SHROOM3: variants seen among roughly 807,000 people sequenced by gnomAD.
SHROOM3 encodes the protein shroom family member 3, also known as protein Shroom3.
SHROOM3 carries 47 observed loss-of-function variants against 138.6 expected under a neutral mutation model. The observed-to-expected ratio is 0.34, with a 90% CI of 0.27 to 0.43. The LOEUF (loss-of-function observed/expected upper bound fraction) is 0.43. Among genes scored for constraint, SHROOM3 ranks in the 20% least tolerant of loss-of-function variants. The probability of loss-of-function intolerance (pLI) is 1.00; values close to 1 mark genes in which losing one functional copy is unlikely to be tolerated. For missense variants in SHROOM3, 2,491 were observed against 2,596.5 expected (o/e 0.96, Z 0.88); for synonymous variants, 1,062 against 1,063.3 (o/e 1.00, Z 0.02).
chr4:76,581,470 C>T (rs1734052279), intron 2 of SHROOM3, among the ~76,000 whole-genome samples: 1 of 152,170 alleles, frequency 6.6e-6, no homozygotes. Flanking sequence ...ACTGGACAGG[C>T]ATTGTATAAT....
intron 2 of SHROOM3, among the ~76,000 whole-genome samples, chr4:76,569,712 C>G (rs1287139639): frequency 3.3e-5 from 4 of 121,288 alleles, no homozygotes; most frequent in Non-Finnish European, 7.2e-5. Context: ...TTTTTTTTTT[C>G]CCCTCAAAGT....
chr4:76,462,544 G>A (rs1731160670), intron 1 of SHROOM3, among the ~76,000 whole-genome samples: 1 of 152,130 alleles, frequency 6.6e-6, no homozygotes, highest in South Asian at 2.1e-4. Flanking sequence ...CCCCAATATT[G>A]GGGGAGGGAC....
Position 76,619,245 on chromosome 4 carries a change from C to A in SHROOM3, c.323+63482C>A, listed in dbSNP as rs138348673. ...AATCCTCCTTGTTTTCAATAAAGGACAAAGAACACTTAATTTGACTTTCTG... is the reference window on the plus strand; with the variant it reads ...AATCCTCCTTGTTTTCAATAAAGGAAAAAGAACACTTAATTTGACTTTCTG... On this transcript the variant is annotated intron_variant, in intron 2 of 10. Transcript: ENST00000296043. 3.2e-3 allele frequency among the ~76,000 whole-genome samples: 483 copies of A among 152,158 alleles called. 4 individuals are homozygous for A. The highest frequency in any genetic ancestry group is 0.011 in the African/African-American group (466 of 41,514).
intron 9 of SHROOM3, among the ~76,000 whole-genome samples, chr4:76,767,930 G>A (rs1722217005): frequency 1.3e-5 from 2 of 152,148 alleles, no homozygotes; most frequent in South Asian, 4.1e-4. Flanking sequence ...CTGCTTCTCA[G>A]GACATGAGGT....
At chr4:76,761,957 A>G (rs1721999656) in intron 9 of SHROOM3, among the ~76,000 whole-genome samples, 1 of 152,218 alleles carries the variant, frequency 6.6e-6, no homozygotes, top group African/African-American at 2.4e-5. Flanking sequence ...TTACCGTTTA[A>G]CTGAAGAAAA....
intron 10 of SHROOM3, among the ~76,000 whole-genome samples, chr4:76,771,293 G>A (rs934342484): frequency 2.0e-5 from 3 of 151,696 alleles, no homozygotes; most frequent in East Asian, 3.9e-4. Context: ...CAGGAGAATC[G>A]CTTGAACCCG....
At chr4:76,519,494 T>A (rs1579208621) in intron 1 of SHROOM3, among the ~76,000 whole-genome samples, 1 of 152,178 alleles carries the variant, frequency 6.6e-6, no homozygotes, top group East Asian at 1.9e-4. Context: ...ACTGAGTATA[T>A]GTCCTAAAGC....
At chr4:76,618,580 C>G (rs1734932234) in intron 2 of SHROOM3, among the ~76,000 whole-genome samples, 1 of 152,156 alleles carries the variant, frequency 6.6e-6, no homozygotes, top group South Asian at 2.1e-4. Context: ...CCTATTGCCC[C>G]CATTTGCTTT....
Position 76,720,714 on chromosome 4 carries a change from C to T in SHROOM3, c.456-10090C>T, listed in dbSNP as rs141496498. ...TGCAACCTCGCCTCCCGGAGTCAAG[C>T]GATTCTCCTGCCTCAGCCTTCTGAG... On this transcript the variant is annotated intron_variant, in intron 3 of 10. Transcript: ENST00000296043. Among the ~76,000 whole-genome samples, 368 of 150,834 alleles carry T rather than the reference C, an allele frequency of 2.4e-3. 2 individuals are homozygous for T. The highest frequency in any genetic ancestry group is 8.4e-3 in the African/African-American group (344 of 40,986).
intron 1 of SHROOM3, among the ~76,000 whole-genome samples, chr4:76,452,883 A>G (rs1028673967): frequency 6.6e-6 from 1 of 152,030 alleles, no homozygotes; most frequent in Non-Finnish European, 1.5e-5. Context: ...ATGCCGAGCT[A>G]ATTTTTGTAT....
At chr4:76,456,717 GCGTC>G (rs757365257) in intron 1 of SHROOM3, among the ~76,000 whole-genome samples, 2 of 152,088 alleles carry the variant, frequency 1.3e-5, no homozygotes, top group Non-Finnish European at 2.9e-5. Context: ...TGTTTCATGC[GCGTC>G]CGTGTAAAGA....
At position 76,770,725 on chromosome 4, in the gene SHROOM3, G is replaced by A; in HGVS notation, c.5449G>A (p.Glu1817Lys). ...CAAGCTCAACAACGCCCTGGGAGAA[G>A]AGGTGGAGGCTCTGATCAGCGAGCT... Reference protein sequence around the residue: ...DIKLNNALGEEVEALISELCK... With the variant: ...DIKLNNALGEKVEALISELCK... Residue 1817 changes from glutamate (E) to lysine (K), a missense_variant, in exon 10 of 11, where the codon GAG becomes AAG. Coordinates refer to ENST00000296043, the MANE Select transcript of SHROOM3 (RefSeq NM_020859.4). The A allele has an allele frequency of 6.2e-7, 1 of 1,614,198 alleles. No homozygotes were observed. The highest frequency in any genetic ancestry group is 8.5e-7 in the Non-Finnish European group (1 of 1,180,040).
intron 2 of SHROOM3, among the ~76,000 whole-genome samples, chr4:76,667,457 C>T (rs144072322): frequency 6.6e-6 from 1 of 152,124 alleles, no homozygotes; most frequent in East Asian, 2.0e-4. Context: ...GCTGGGACTA[C>T]AGGCATGTGC....
intron 8 of SHROOM3, chr4:76,757,191 A>G (rs1721847180): frequency 2.1e-6 from 1 of 472,458 alleles, no homozygotes; most frequent in African/African-American, 1.9e-5. Flanking sequence ...TGTGTCAAAC[A>G]TTGTATTAAT....
intron 1 of SHROOM3, among the ~76,000 whole-genome samples, chr4:76,533,977 A>T (rs1404546149): frequency 6.6e-6 from 1 of 152,168 alleles, no homozygotes; most frequent in Non-Finnish European, 1.5e-5. Context: ...TAGGACAAAG[A>T]CAATCTTGAT....
intron 1 of SHROOM3, among the ~76,000 whole-genome samples, chr4:76,529,278 T>A (rs1257539681): frequency 6.6e-6 from 1 of 152,136 alleles, no homozygotes; most frequent in Non-Finnish European, 1.5e-5. Context: ...TAGTCACTTA[T>A]GTTGGCTTAG....
chr4:76,574,453 C>T (rs934182667), intron 2 of SHROOM3, among the ~76,000 whole-genome samples: 6 of 152,146 alleles, frequency 3.9e-5, no homozygotes, highest in Non-Finnish European at 5.9e-5. Flanking sequence ...GATTCTGATG[C>T]ACCCTAAAGA....
intron 1 of SHROOM3, among the ~76,000 whole-genome samples, chr4:76,540,430 CTT>C (rs1307902064): frequency 2.0e-5 from 3 of 152,154 alleles, no homozygotes; most frequent in Non-Finnish European, 4.4e-5. Flanking sequence ...AAATCATAAA[CTT>C]TCTCAATATC....
intron 2 of SHROOM3, among the ~76,000 whole-genome samples, chr4:76,567,109 G>A (rs190413988): frequency 1.2e-4 from 19 of 152,300 alleles, no homozygotes; most frequent in African/African-American, 3.6e-4. Context: ...CTGATGCTGC[G>A]TTTGCTTAGT....
Sources: allele counts gnomAD v4.1 joint callset (sites outside exome capture counted in the v4.1 genomes callset), GRCh38; gene constraint gnomAD v4.1.1; transcripts MANE v1.5; gene names NCBI Gene and HGNC (gene_info 2026-07-23, HGNC 2026-07-21).